SARDH: variants seen among roughly 807,000 people sequenced by gnomAD.
SARDH encodes the protein sarcosine dehydrogenase, mitochondrial.
Under a neutral mutation model 109.1 loss-of-function variants are expected in SARDH, and 95 were observed. The ratio of observed to expected loss-of-function variants is 0.87; its 90% CI spans 0.74 to 1.03. SARDH has a LOEUF of 1.03. Ranked by LOEUF, SARDH falls within the 50% of genes least tolerant of loss-of-function variation. SARDH has a pLI of 0.00. For missense variants in SARDH, 1,267 were observed against 1,287.8 expected, an observed-to-expected ratio of 0.98 and a Z score of 0.25; for synonymous variants, 572 against 534.8, an observed-to-expected ratio of 1.07 and a Z score of -0.96.
In SARDH at chr9:133,671,710, G is replaced by A. The variant is rs779061190; in HGVS notation, c.2164-13C>T. On this transcript the variant is annotated splice_polypyrimidine_tract_variant and intron_variant, in intron 17 of 20. Coordinates refer to ENST00000439388, the MANE Select transcript of SARDH (RefSeq NM_001134707.2). ...GCATGGCTCGGACCTGGGGGACAAG[G>A]TCATGGCTTAGATGTGGCCATGTAA... 4 of 1,559,314 alleles carry A rather than the reference G, an allele frequency of 2.6e-6. No homozygotes were observed. Among genetic ancestry groups the A allele is most frequent in the South Asian group, 1.2e-5 (1 of 84,772 alleles).
At chr9:133,698,838 G>GT (rs1268853059) in intron 13 of SARDH, among the ~76,000 whole-genome samples, 1 of 152,176 alleles carries the variant, frequency 6.6e-6, no homozygotes. Context: ...AAACATAAAT[G>GT]TTTTTTACCT....
chr9:133,712,910 G>T lies in SARDH; in HGVS notation c.1237+128C>A. 9.6e-7 allele frequency: 1 copy of T among 1,044,798 alleles called. No individual in the cohort carries two copies. Among genetic ancestry groups the T allele is most frequent in the Non-Finnish European group, 1.4e-6 (1 of 705,838 alleles). The allele number at this position is 1,044,798 out of a possible 1,614,324, so 64.7% of individuals were successfully genotyped here. A position where few individuals can be genotyped will look rare whatever the true frequency, so the allele number is the denominator to read the frequency against. On this transcript the variant is annotated intron_variant, in intron 9 of 20. Transcript: ENST00000439388. The surrounding 1 kb of genome is among the most constrained non-coding windows in gnomAD (Gnocchi z 4.1). Reference sequence around the variant, plus strand: ...ACTCTCTGGGAAGCAGAAGGGGCTGGACTCCCCAGCCTCTCCTGTCCCCAC... The same window carrying T: ...ACTCTCTGGGAAGCAGAAGGGGCTGTACTCCCCAGCCTCTCCTGTCCCCAC...
Position 133,683,969 on chromosome 9 carries a change from G to A in SARDH, c.2163+1224C>T, listed in dbSNP as rs371719220. Reference sequence around the variant, plus strand: ...GCTTTCTGGGTTTCTTTAGCCGGGCGGCCCTGAGCAGCCTGGCCCATCCAG... The same window carrying A: ...GCTTTCTGGGTTTCTTTAGCCGGGCAGCCCTGAGCAGCCTGGCCCATCCAG... On this transcript the variant is annotated intron_variant, in intron 17 of 20. Coordinates refer to ENST00000439388, the MANE Select transcript of SARDH (RefSeq NM_001134707.2). Among the ~76,000 whole-genome samples, 6 of 152,308 alleles carry A rather than the reference G, an allele frequency of 3.9e-5. No individual in the cohort carries two copies. In the East Asian group the frequency reaches 7.7e-4, roughly 20 times the overall value.
At chr9:133,671,114 C>G (rs953037791) in intron 18 of SARDH, among the ~76,000 whole-genome samples, 1 of 152,188 alleles carries the variant, frequency 6.6e-6, no homozygotes. Context: ...AAAGCCCGCT[C>G]TGAGCCTTCA....
At chr9:133,697,426 G>C (rs1012830017) in intron 13 of SARDH, among the ~76,000 whole-genome samples, 1 of 152,082 alleles carries the variant, frequency 6.6e-6, no homozygotes. Flanking sequence ...TTCACTCTAG[G>C]AGGCCAGCAT....
intron 15 of SARDH, among the ~76,000 whole-genome samples, chr9:133,691,761 G>A (rs1194444836): frequency 6.6e-6 from 1 of 152,266 alleles, no homozygotes; most frequent in South Asian, 2.1e-4. Context: ...CATATTTAAT[G>A]CCCATGCATA....
chr9:133,670,887 A>G, intron 18 of SARDH, 135 bp from the exon 19 acceptor site: 1 of 1,297,340 alleles, frequency 7.7e-7, no homozygotes, highest in Non-Finnish European at 1.0e-6. Context: ...TCACCTGGGC[A>G]GGAGGCAGGG....
At position 133,716,516 on chromosome 9, in the gene SARDH, ACCCGCCCCCTGGGG is replaced by A. The variant is rs1832127374; in HGVS notation, c.1150+796_1150+809del. Among the ~76,000 whole-genome samples the A allele has an allele frequency of 2.0e-5, 3 of 151,662 alleles. No individual in the cohort carries two copies. The South Asian group carries it at 6.3e-4, about 32-fold the overall frequency. Reference sequence around the variant, plus strand: ...CCCAGGCCAGCAGCCTCAGCCCCACACCCGCCCCCTGGGGCAGAGCCTTCCGGGCTCCCCAGGCC... The same window carrying A: ...CCCAGGCCAGCAGCCTCAGCCCCACACAGAGCCTTCCGGGCTCCCCAGGCC... On this transcript the variant is annotated intron_variant, in intron 8 of 20. Coordinates refer to ENST00000439388, the MANE Select transcript of SARDH (RefSeq NM_001134707.2).
chr9:133,709,792 T>A lies in SARDH; in HGVS notation c.1329-1364A>T, dbSNP rs1212579729. Among the ~76,000 whole-genome samples the A allele has an allele frequency of 1.3e-5, 2 of 152,090 alleles. No individual in the cohort carries two copies. Among genetic ancestry groups the A allele is most frequent in the African/African-American group, 2.4e-5 (1 of 41,402 alleles). On this transcript the variant is annotated intron_variant, in intron 10 of 20. Coordinates refer to ENST00000439388, the MANE Select transcript of SARDH (RefSeq NM_001134707.2). The surrounding 1 kb of genome is among the most constrained non-coding windows in gnomAD (Gnocchi z 4.2). ...CTTCTGCATGGGACCCAAGATTAACTCTTTCACGCAGGGGGAAACTGAGGC... is the reference window on the plus strand; with the variant it reads ...CTTCTGCATGGGACCCAAGATTAACACTTTCACGCAGGGGGAAACTGAGGC...
intron 17 of SARDH, 67 bp downstream of exon 17, chr9:133,685,126 C>T: frequency 7.6e-7 from 1 of 1,318,544 alleles, no homozygotes; most frequent in Non-Finnish European, 1.1e-6. Flanking sequence ...GCCCCCAGAT[C>T]CCCCGGCGCA....
rs1548363 is a variant in SARDH, at chr9:133,686,422, C to T, written c.2070-1136G>A. Among the ~76,000 whole-genome samples the T allele has an allele frequency of 0.45, 68,689 of 151,654 alleles. 17,399 individuals are homozygous for T. The highest frequency in any genetic ancestry group is 0.7 in the African/African-American group (28,839 of 41,320). On this transcript the variant is annotated intron_variant, in intron 16 of 20. Coordinates refer to ENST00000439388, the MANE Select transcript of SARDH (RefSeq NM_001134707.2). The surrounding 1 kb of genome is among the most constrained non-coding windows in gnomAD (Gnocchi z 4.0). Reference sequence around the variant, plus strand: ...AGCTCTTGGCTCAGCTGTCACCTCCCCCAGGAAGCCCTCCCTGACTCCCTA... The same window carrying T: ...AGCTCTTGGCTCAGCTGTCACCTCCTCCAGGAAGCCCTCCCTGACTCCCTA...
At chr9:133,680,666 C>T (rs1159027644) in intron 17 of SARDH, among the ~76,000 whole-genome samples, 1 of 152,242 alleles carries the variant, frequency 6.6e-6, no homozygotes, top group African/African-American at 2.4e-5. Context: ...TCCCCGGCCT[C>T]ATCTCATGGG....
chr9:133,721,580 A>C (rs1832327152), intron 6 of SARDH, among the ~76,000 whole-genome samples: 1 of 152,214 alleles, frequency 6.6e-6, no homozygotes, highest in South Asian at 2.1e-4. Flanking sequence ...CGGTCAGTCC[A>C]AAAGGGAGCG....
At chr9:133,732,210 C>T (rs1360833959) in intron 3 of SARDH, among the ~76,000 whole-genome samples, 1 of 152,082 alleles carries the variant, frequency 6.6e-6, no homozygotes, top group Non-Finnish European at 1.5e-5. Flanking sequence ...GCCCCACTCC[C>T]GACCCCACAG....
chr9:133,719,661 G>A (rs1832255359), intron 6 of SARDH, among the ~76,000 whole-genome samples: 1 of 132,416 alleles, frequency 7.6e-6, no homozygotes, highest in Non-Finnish European at 1.6e-5. Context: ...GCAGATTGGA[G>A]ACTCTTCTGT....
At chr9:133,722,731 G>T (rs1239796708) in intron 6 of SARDH, among the ~76,000 whole-genome samples, 5 of 151,670 alleles carry the variant, frequency 3.3e-5, no homozygotes, top group East Asian at 1.9e-4. Context: ...CTAGAGTGCA[G>T]TGGTGCCATC....
At chr9:133,702,634 G>A (rs1247900960) in intron 13 of SARDH, among the ~76,000 whole-genome samples, 1 of 152,200 alleles carries the variant, frequency 6.6e-6, no homozygotes, top group African/African-American at 2.4e-5. Context: ...GCCCCACCGG[G>A]CCCCAGCCCG....
At chr9:133,684,017 A>C (rs1192406443) in intron 17 of SARDH, among the ~76,000 whole-genome samples, 1 of 151,802 alleles carries the variant, frequency 6.6e-6, no homozygotes, top group Non-Finnish European at 1.5e-5. Context: ...CCATCTGGGT[A>C]ACATCCGTCA....
Position 133,676,342 on chromosome 9 carries a change from G to A in SARDH, c.2164-4645C>T, listed in dbSNP as rs549359399. Among the ~76,000 whole-genome samples, 8 of 152,316 alleles carry A rather than the reference G, an allele frequency of 5.3e-5. No individual in the cohort carries two copies. In the East Asian group the frequency reaches 1.2e-3, roughly 22 times the overall value. On this transcript the variant is annotated intron_variant, in intron 17 of 20. Transcript: ENST00000439388. ...CATAGACATCAAGAGCAGAATGGAG[G>A]GCACAGGGGCTGGGGAGAGGGAAAG...
Sources: gnomAD v4.1 joint callset for allele counts (sites outside exome capture counted in the v4.1 genomes callset) on GRCh38, gnomAD v4.1.1 for gene constraint, Gnocchi (gnomAD v3.1) non-coding constraint, MANE v1.5 for transcripts, NCBI Gene and HGNC (gene_info 2026-07-23, HGNC 2026-07-21) for gene names.